The following TSEN2 variants were observed in gnomAD, a reference collection of about 807,000 sequenced individuals.
TSEN2 encodes the protein tRNA-splicing endonuclease subunit Sen2.
A neutral mutation model predicts 59.2 loss-of-function variants in TSEN2; 54 were observed. The observed-to-expected ratio is 0.91, with a 90% CI of 0.73 to 1.14. The LOEUF is 1.14. Ranked by LOEUF, TSEN2 falls within the 50% of genes most tolerant of loss-of-function variation. The pLI is 0.00. For missense variants in TSEN2, 636 were observed against 576.2 expected (o/e 1.10, Z -1.06); for synonymous variants, 195 against 198.2 (o/e 0.98, Z 0.14).
At chr3:12,520,773 G>GAGAA (rs386395968) in intron 8 of TSEN2, among the ~76,000 whole-genome samples, 4 of 150,826 alleles carry the variant, frequency 2.7e-5, no homozygotes, top group Non-Finnish European at 4.4e-5. Context: ...CTGGGTGACA[G>GAGAA]AGACTCCACC....
rs2053278431 is a variant in TSEN2, at chr3:12,492,112, C to G, written c.190-24C>G. The G allele has an allele frequency of 1.9e-6, 3 of 1,604,064 alleles. No individual in the cohort carries two copies. The Admixed American group carries it at 5.0e-5, about 27-fold the overall frequency. On this transcript the variant is annotated intron_variant, in intron 2 of 11. Transcript: ENST00000284995. ...AAACTGGTAACTAAGCATGAACTAA[C>G]TTCATTTTCTCTCTTCCTGGAAGGG...
At chr3:12,502,677 G>GTT (rs773322162) in intron 4 of TSEN2, among the ~76,000 whole-genome samples, 67 of 105,430 alleles carry the variant, frequency 6.4e-4, no homozygotes, top group Non-Finnish European at 7.5e-4. Context: ...AGTTTTTTTT[G>GTT]TTTTTTTTTT....
intron 6 of TSEN2, among the ~76,000 whole-genome samples, chr3:12,513,474 C>CT (rs1416453384): frequency 1.3e-5 from 2 of 152,272 alleles, no homozygotes; most frequent in Admixed American, 1.3e-4. Context: ...CTTTTCATAG[C>CT]TTATTAAATC....
chr3:12,511,826 G>A (rs56836742), intron 6 of TSEN2, among the ~76,000 whole-genome samples: 1 of 152,058 alleles, frequency 6.6e-6, no homozygotes, highest in Non-Finnish European at 1.5e-5. Context: ...CTTGGCCTCC[G>A]AAAGTGCTAG....
chr3:12,539,341 C>T, exon 11 of TSEN2: 1 of 325,428 alleles, frequency 3.1e-6, no homozygotes, highest in Non-Finnish European at 5.9e-6. Flanking sequence ...ACTATGTTGG[C>T]CAGGCTGGTC....
chr3:12,503,432 A>G lies in TSEN2; in HGVS notation c.479A>G (p.Asn160Ser). The change falls in exon 5 of 12, where the codon AAC (asparagine) becomes AGC (serine). Residue 160 changes from asparagine to serine, a missense_variant. Physicochemically the swap from Asn to Ser is conservative, Grantham distance 46 (BLOSUM62 1). Coordinates refer to ENST00000284995, the MANE Select transcript of TSEN2 (RefSeq NM_025265.4). ...HDKLNSGMVSNMEGTAGGERP... is the reference protein window; with the variant it reads ...HDKLNSGMVSSMEGTAGGERP... ...AAGCTTAACTCTGGAATGGTTTCCA[A>G]CATGGAAGGCACAGCAGGGGGAGAG... 1 of 1,614,250 alleles carries G rather than the reference A, an allele frequency of 6.2e-7. No homozygotes were observed. The highest frequency in any genetic ancestry group is 1.3e-5 in the African/African-American group (1 of 75,060).
intron 8 of TSEN2, among the ~76,000 whole-genome samples, chr3:12,525,735 T>A (rs1441403958): frequency 2.0e-5 from 3 of 151,718 alleles, no homozygotes; most frequent in African/African-American, 7.3e-5. Flanking sequence ...TTTTATTATT[T>A]TGTGATTTTA....
intron 8 of TSEN2, among the ~76,000 whole-genome samples, chr3:12,523,526 C>CTTTTTTTCTTTTTTTTTTT (rs2056823263): frequency 2.2e-5 from 1 of 46,480 alleles, no homozygotes; most frequent in Non-Finnish European, 4.3e-5. Flanking sequence ...CTCTTTGATT[C>CTTTTTTTCTTTTTTTTTTT]TTTTTTTTTT....
In TSEN2 at chr3:12,503,579, G is replaced by A; in HGVS notation, c.626G>A (p.Ser209Asn). The A allele has an allele frequency of 1.9e-6, 3 of 1,602,388 alleles. No individual in the cohort carries two copies. The highest frequency in any genetic ancestry group is 1.7e-6 in the Non-Finnish European group (2 of 1,172,386). ...CCAACAACAGAGAGCTTTGAGAAAAGCGTGCGAGAGGATGCCTCACCTCTG... is the reference window on the plus strand; with the variant it reads ...CCAACAACAGAGAGCTTTGAGAAAAACGTGCGAGAGGATGCCTCACCTCTG... ...CHPTTESFEK[S>N]VREDASPLPH... Residue 209 changes from serine to asparagine, a missense_variant, in exon 5 of 12, where the codon AGC becomes AAC. Ser to Asn is a conservative substitution (Grantham distance 46, BLOSUM62 1). Coordinates refer to ENST00000284995, the MANE Select transcript of TSEN2 (RefSeq NM_025265.4).
chr3:12,497,757 C>A (rs80043559), intron 4 of TSEN2, among the ~76,000 whole-genome samples: 17 of 152,180 alleles, frequency 1.1e-4, no homozygotes, highest in Non-Finnish European at 2.2e-4. Context: ...CTACAGTATC[C>A]CAAGAAGTTT....
chr3:12,514,498 G>A (rs1575382530), intron 6 of TSEN2, among the ~76,000 whole-genome samples: 2 of 152,196 alleles, frequency 1.3e-5, no homozygotes, highest in Admixed American at 1.3e-4. Flanking sequence ...GTCACAGAAG[G>A]CAGGAAGGAG....
intron 5 of TSEN2, among the ~76,000 whole-genome samples, chr3:12,504,250 TATC>T (rs1257576616): frequency 1.3e-5 from 2 of 152,048 alleles, no homozygotes; most frequent in East Asian, 1.9e-4. Context: ...TTCAAAGAAA[TATC>T]ATGTAGACTT....
rs147785705 is a variant in TSEN2, at chr3:12,529,444, T to C, written c.1137-318T>C. 0.011 allele frequency among the ~76,000 whole-genome samples: 1,484 copies of C among 137,046 alleles called. 20 individuals carry two copies. The highest frequency in any genetic ancestry group is 0.013 in the Non-Finnish European group (847 of 66,166). 89.9% of individuals were successfully genotyped at this position (137,046 alleles called of 152,430 possible). A position where few individuals can be genotyped will look rare whatever the true frequency, so the allele number is the denominator to read the frequency against. ...TCGCACCACTGCACTCCAGCGTGGG[T>C]GATAGAGCGAGACTCCGTCTCAAAA... On this transcript the variant is annotated intron_variant, in intron 9 of 11. Coordinates refer to ENST00000284995, the MANE Select transcript of TSEN2 (RefSeq NM_025265.4).
At chr3:12,500,731 C>T (rs573897924) in intron 4 of TSEN2, among the ~76,000 whole-genome samples, 1 of 152,130 alleles carries the variant, frequency 6.6e-6, no homozygotes, top group East Asian at 1.9e-4. Context: ...GCTGCAACCC[C>T]AGGAGGTAGG....
intron 8 of TSEN2, among the ~76,000 whole-genome samples, chr3:12,520,251 G>C (rs2056525574): frequency 1.3e-5 from 2 of 152,126 alleles, no homozygotes; most frequent in African/African-American, 4.8e-5. Flanking sequence ...GCCCACTTCA[G>C]CTTCCCAAAG....
At chr3:12,531,753 GT>G in intron 11 of TSEN2, 94 bp downstream of exon 11, 1 of 891,490 alleles carries the variant, frequency 1.1e-6, no homozygotes, top group Non-Finnish European at 1.8e-6. Context: ...CATGAATACA[GT>G]TTTGCCTTGG....
chr3:12,535,102 A>G (rs946030268), downstream of TSEN2, among the ~76,000 whole-genome samples: 4 of 152,152 alleles, frequency 2.6e-5, no homozygotes, highest in Admixed American at 2.0e-4. Context: ...TTTTTAAGAA[A>G]AAAAAATTCT....
intron 3 of TSEN2, among the ~76,000 whole-genome samples, chr3:12,495,355 G>A (rs1010885081): frequency 1.7e-4 from 26 of 152,002 alleles, no homozygotes; most frequent in African/African-American, 5.3e-4. Context: ...TCAGCCTCCC[G>A]AGTAGCTGGA....
rs1032879148 is a variant in TSEN2, at chr3:12,484,769, TC to T, written c.-128del. Reference sequence around the variant, plus strand: ...GTTCTTGGAAACGCCGGCGCCTTGTTCAGGGCTGGTGGGGCTGGGGCGCAAG... The same window carrying T: ...GTTCTTGGAAACGCCGGCGCCTTGTTAGGGCTGGTGGGGCTGGGGCGCAAG... On this transcript the variant is annotated 5_prime_UTR_variant, in exon 1 of 12. Coordinates refer to ENST00000284995, the MANE Select transcript of TSEN2 (RefSeq NM_025265.4). 1 of 152,240 alleles carries T rather than the reference TC, an allele frequency of 6.6e-6. No individual in the cohort carries two copies. The highest frequency in any genetic ancestry group is 1.5e-5 in the Non-Finnish European group (1 of 68,092). 9.4% of individuals were successfully genotyped at this position (152,240 alleles called of 1,614,324 possible). A position where few individuals can be genotyped will look rare whatever the true frequency, so the allele number is the denominator to read the frequency against.
Sources: allele counts gnomAD v4.1 joint callset (sites outside exome capture counted in the v4.1 genomes callset), GRCh38; gene constraint gnomAD v4.1.1; transcripts MANE v1.5; gene names NCBI Gene and HGNC (gene_info 2026-07-23, HGNC 2026-07-21).